TNPO3: variants seen among roughly 807,000 people sequenced by gnomAD.
TNPO3 encodes the protein transportin-3.
TNPO3 carries 65 observed loss-of-function variants against 122.8 expected under a neutral mutation model. The observed-to-expected ratio is 0.53, with a 90% CI of 0.43 to 0.65. The LOEUF (loss-of-function observed/expected upper bound fraction) is 0.65, where lower values mean the gene tolerates loss of function less well. Ranked by LOEUF, TNPO3 falls within the 30% of genes least tolerant of loss-of-function variation. The pLI is 0.00. For synonymous variants in TNPO3, 372 were observed against 411.2 expected (o/e 0.90, Z 1.15); for missense variants, 850 against 1,136.7 (o/e 0.75, Z 3.63).
chr7:129,049,288 A>G (rs1177799509), intron 1 of TNPO3, among the ~76,000 whole-genome samples: 1 of 152,252 alleles, frequency 6.6e-6, no homozygotes, highest in African/African-American at 2.4e-5. Context: ...CAGACAAGAC[A>G]TAGGATAAAC....
At chr7:129,038,832 G>A (rs2150527407) in intron 1 of TNPO3, among the ~76,000 whole-genome samples, 1 of 152,312 alleles carries the variant, frequency 6.6e-6, no homozygotes, top group Admixed American at 6.5e-5. Flanking sequence ...CTGGAGGTAA[G>A]AGGTTGAGAG....
intron 1 of TNPO3, 135 bp downstream of exon 1, chr7:129,054,516 C>T: frequency 3.6e-6 from 5 of 1,384,446 alleles, no homozygotes; most frequent in Non-Finnish European, 4.8e-6. Flanking sequence ...AGCTTCGCAG[C>T]CCCACCCCAC....
chr7:128,958,058 T>C (rs867224062), intron 21 of TNPO3, among the ~76,000 whole-genome samples: 4 of 152,020 alleles, frequency 2.6e-5, no homozygotes, highest in African/African-American at 9.7e-5. Flanking sequence ...CATTCTACTG[T>C]ATCTGTCTTC....
chr7:128,991,089 A>T (rs2150351408), intron 10 of TNPO3, among the ~76,000 whole-genome samples: 1 of 152,354 alleles, frequency 6.6e-6, no homozygotes, highest in East Asian at 1.9e-4. Context: ...TAGTTAGAAC[A>T]TTAATGATTT....
At chr7:129,022,053 A>G (rs1275605159) in intron 1 of TNPO3, among the ~76,000 whole-genome samples, 5 of 152,170 alleles carry the variant, frequency 3.3e-5, no homozygotes, top group African/African-American at 4.8e-5. Context: ...GAAAATCAAA[A>G]CAAGGAAACA....
chr7:129,034,392 G>A (rs2150509494), intron 1 of TNPO3, among the ~76,000 whole-genome samples: 1 of 152,190 alleles, frequency 6.6e-6, no homozygotes, highest in East Asian at 1.9e-4. Context: ...ACTGGGGGGT[G>A]TGGGCAGGAA....
intron 12 of TNPO3, among the ~76,000 whole-genome samples, chr7:128,986,330 C>A (rs1373633108): frequency 6.6e-6 from 1 of 152,182 alleles, no homozygotes; most frequent in Non-Finnish European, 1.5e-5. Flanking sequence ...GAGACCAGGA[C>A]CCCTGACTTC....
At chr7:129,018,335 C>A (rs114894112) in intron 1 of TNPO3, among the ~76,000 whole-genome samples, 178 bp from the exon 2 acceptor site, 94 of 152,236 alleles carry the variant, frequency 6.2e-4, no homozygotes, top group African/African-American at 2.3e-3. Flanking sequence ...AGGCCCTGTT[C>A]AACAAAATAA....
In TNPO3 at chr7:128,975,837, T is replaced by A. The variant is rs1798999224; in HGVS notation, c.2160A>T (p.Gly720=). The A allele has an allele frequency of 3.7e-6, 6 of 1,612,970 alleles. No individual in the cohort carries two copies. Among genetic ancestry groups the A allele is most frequent in the Non-Finnish European group, 5.1e-6 (6 of 1,179,060 alleles). ...EYGMEEGCRQ[G]LLDMLQALCI... is the part of the protein sequence containing the mutation. ...AAGATACCTGGAGCATGTCTAGCAG[T>A]CCCTGCCGACAGCCTTCTTCCATGC... The change falls in exon 17 of 23, where the codon GGA becomes GGT. Residue 720 remains glycine (G), a synonymous_variant. Transcript: ENST00000265388.
At chr7:129,016,924 C>T in intron 3 of TNPO3, 59 bp downstream of exon 3, 1 of 1,473,996 alleles carries the variant, frequency 6.8e-7, no homozygotes, top group Non-Finnish European at 9.5e-7. Flanking sequence ...TAACAAATTT[C>T]TCTGTGTAGG....
intron 1 of TNPO3, among the ~76,000 whole-genome samples, chr7:129,024,914 T>A (rs1400072377): frequency 6.7e-6 from 1 of 148,972 alleles, no homozygotes. Context: ...AGGGGAAGGA[T>A]CCCTTGAGCC....
intron 1 of TNPO3, chr7:129,029,448 AG>A (rs2150489528): frequency 1.3e-5 from 2 of 153,192 alleles, no homozygotes; most frequent in Admixed American, 1.3e-4. Context: ...GCTTCCATGT[AG>A]GAAGTAGCTG....
At position 128,979,009 on chromosome 7, in the gene TNPO3, C is replaced by T. The variant is rs1799364745; in HGVS notation, c.2035G>A (p.Ala679Thr). The change falls in exon 16 of 23, where the codon GCA (alanine) becomes ACA (threonine). Residue 679 changes from alanine to threonine, a missense_variant. Coordinates refer to ENST00000265388, the MANE Select transcript of TNPO3 (RefSeq NM_012470.4). Reference sequence around the variant, plus strand: ...TGTGTGACTAGTGGCTGCAGCAGTGCTGCAGATCCTTTGCCTACACAGCGA... The same window carrying T: ...TGTGTGACTAGTGGCTGCAGCAGTGTTGCAGATCCTTTGCCTACACAGCGA... ...AVRCVGKGSA[A>T]LLQPLVTQMV... is the part of the protein sequence containing the mutation. 1 of 1,614,074 alleles carries T rather than the reference C, an allele frequency of 6.2e-7. No individual in the cohort carries two copies. The highest frequency in any genetic ancestry group is 1.7e-5 in the Admixed American group (1 of 60,006).
rs1016755011 is a variant in TNPO3, at chr7:128,999,659, G to A, written c.1011+770C>T. On this transcript the variant is annotated intron_variant, in intron 7 of 22. Coordinates refer to ENST00000265388, the MANE Select transcript of TNPO3 (RefSeq NM_012470.4). ...CGGAGTTTCGCTCGTCTCCCAGGCT[G>A]GAGTGCAGTGGCCCGATCTCAGCTC... 6.6e-5 allele frequency among the ~76,000 whole-genome samples: 10 copies of A among 150,586 alleles called. No homozygotes were observed. In the South Asian group the frequency reaches 1.5e-3, roughly 22 times the overall value.
chr7:128,998,932 C>A (rs1801631745), intron 7 of TNPO3, among the ~76,000 whole-genome samples: 1 of 152,058 alleles, frequency 6.6e-6, no homozygotes, highest in Non-Finnish European at 1.5e-5. Context: ...TGGCTCACTG[C>A]AACTTCCACC....
chr7:129,038,369 C>T (rs111879016), intron 1 of TNPO3, among the ~76,000 whole-genome samples: 29 of 152,232 alleles, frequency 1.9e-4, no homozygotes, highest in African/African-American at 7.0e-4. Context: ...GAAATGCTTA[C>T]ACACTGTTGG....
intron 4 of TNPO3, among the ~76,000 whole-genome samples, chr7:129,007,301 C>A (rs1410552921): frequency 6.6e-6 from 1 of 152,210 alleles, no homozygotes; most frequent in Non-Finnish European, 1.5e-5. Flanking sequence ...TGATCTTAAC[C>A]ATTACACGAT....
At chr7:128,985,383 C>T (rs1377618632) in intron 12 of TNPO3, among the ~76,000 whole-genome samples, 1 of 152,138 alleles carries the variant, frequency 6.6e-6, no homozygotes. Context: ...TCACTTGAAG[C>T]CATGAGTTCA....
At chr7:128,965,396 T>G (rs1298537950) in intron 21 of TNPO3, among the ~76,000 whole-genome samples, 2 of 152,048 alleles carry the variant, frequency 1.3e-5, no homozygotes, top group African/African-American at 4.8e-5. Context: ...ACTTCACACT[T>G]GGTGTGAAAT....
Sources: allele counts gnomAD v4.1 joint callset (sites outside exome capture counted in the v4.1 genomes callset), GRCh38; gene constraint gnomAD v4.1.1; transcripts MANE v1.5; gene names NCBI Gene and HGNC (gene_info 2026-07-23, HGNC 2026-07-21).